The following WIZ variants were observed in gnomAD, a reference collection of about 807,000 sequenced individuals.
WIZ encodes WIZ zinc finger, also known as protein Wiz.
WIZ carries 25 observed loss-of-function variants against 140.2 expected under a neutral mutation model. The ratio of observed to expected loss-of-function variants is 0.18; its 90% confidence interval spans 0.13 to 0.25. The LOEUF is 0.25. Ranked by LOEUF, WIZ falls within the 10% of genes least tolerant of loss-of-function variation. The pLI, the probability that WIZ is intolerant of heterozygous loss-of-function variation, is 1.00. For missense variants in WIZ, 2,231 were observed against 2,632.6 expected, an observed-to-expected ratio of 0.85 and a Z score of 3.34; for synonymous variants, 1,125 against 1,154.3, an observed-to-expected ratio of 0.97 and a Z score of 0.51.
chr19:15,423,450 C>T (rs564481939), intron 12 of WIZ, among the ~76,000 whole-genome samples: 84 of 152,302 alleles, frequency 5.5e-4, no homozygotes, highest in African/African-American at 1.9e-3. Context: ...AGACCCCTGC[C>T]TCTGTGCTCA....
chr19:15,432,133 C>T (rs942518773), intron 5 of WIZ, among the ~76,000 whole-genome samples: 1 of 152,014 alleles, frequency 6.6e-6, no homozygotes, highest in Non-Finnish European at 1.5e-5. Context: ...TCAGATGGGG[C>T]AGGGCTGAAG....
rs947266101 is a variant in WIZ, at chr19:15,429,017, G to A, written c.3416-509C>T. ...GGGAAAGCCTGATGTTGTAAGGGAC[G>A]TCCTTGTTAAACCTGCTCACTGCAC... On this transcript the variant is annotated intron_variant, in intron 7 of 12. Coordinates refer to ENST00000673675, the MANE Select transcript of WIZ (RefSeq NM_001371589.1). Among the ~76,000 whole-genome samples the A allele has an allele frequency of 5.3e-5, 8 of 152,184 alleles. No individual in the cohort carries two copies. The South Asian group carries it at 1.2e-3, about 24-fold the overall frequency.
At chr19:15,437,182 C>T in intron 4 of WIZ, 53 bp from the exon 5 acceptor site, 5 of 1,463,916 alleles carry the variant, frequency 3.4e-6, no homozygotes, top group Non-Finnish European at 4.6e-6. Context: ...ACTCCCCAGC[C>T]CCAACCCCTC....
rs574936760 is a variant in WIZ, at chr19:15,439,718, C to G, written c.1276G>C (p.Glu426Gln). 179 of 1,478,584 alleles carry G rather than the reference C, an allele frequency of 1.2e-4. 1 individual carries two copies. The highest frequency in any genetic ancestry group is 1.5e-4 in the Non-Finnish European group (170 of 1,120,716). 91.6% of individuals were successfully genotyped at this position (1,478,584 alleles called of 1,614,324 possible). A position where few individuals can be genotyped will look rare whatever the true frequency, so the allele number is the denominator to read the frequency against. Residue 426 changes from glutamate (E) to glutamine (Q), a missense_variant, in exon 4 of 13, where the codon GAG (glutamate) becomes CAG (glutamine). Physicochemically the swap from Glu to Gln is conservative, Grantham distance 29. Transcript: ENST00000673675. This position sits in a 1 kb window ranked among gnomAD's most constrained non-coding sequence, Gnocchi z 7.0. ...TCTTTGGTGGTCTGGCCTGGGGGCT[C>G]ACGCATGTGCAGCTTGGCATGCTGC... ...YVQHAKLHMREPPGQTTKEPF... is the reference protein window; with the variant it reads ...YVQHAKLHMRQPPGQTTKEPF...
Position 15,439,853 on chromosome 19 carries a change from T to A in WIZ, c.1141A>T (p.Ile381Phe). 2 of 1,529,362 alleles carry A rather than the reference T, an allele frequency of 1.3e-6. No individual in the cohort carries two copies. The highest frequency in any genetic ancestry group is 1.2e-5 in the South Asian group (1 of 83,480). 94.7% of individuals were successfully genotyped at this position (1,529,362 alleles called of 1,614,324 possible). The change falls in exon 4 of 13, where the codon ATC (isoleucine) becomes TTC (phenylalanine). Residue 381 changes from isoleucine (I) to phenylalanine (F), a missense_variant. Coordinates refer to ENST00000673675, the MANE Select transcript of WIZ (RefSeq NM_001371589.1). The surrounding 1 kb of genome is among the most constrained non-coding windows in gnomAD (Gnocchi z 7.0). ...TTCAGCTTTTGGATCTCCTCAATGA[T>A]CTTCTCCCGGGAGGCCTGATGCAGC... ...RQLHQASREKIIEEIQKLKQV... is the reference protein window; with the variant it reads ...RQLHQASREKFIEEIQKLKQV...
Position 15,448,355 on chromosome 19 carries a change from G to A in WIZ, c.-48C>T. Reference sequence around the variant, plus strand: ...ACTCAGCTGCTGCACCGGCTCAGCGGGGCATTGTGGGCCTGGGGATAGAGA... The same window carrying A: ...ACTCAGCTGCTGCACCGGCTCAGCGAGGCATTGTGGGCCTGGGGATAGAGA... On this transcript the variant is annotated 5_prime_UTR_variant, in exon 2 of 13. Transcript: ENST00000673675. 3 of 1,600,086 alleles carry A rather than the reference G, an allele frequency of 1.9e-6. No homozygotes were observed. Among genetic ancestry groups the A allele is most frequent in the Non-Finnish European group, 2.5e-6 (3 of 1,176,830 alleles).
chr19:15,430,992 A>T lies in WIZ; in HGVS notation c.2911+20T>A. ...ACCAGCCTGGCCAGCATCCCCTGCC[A>T]TGCCACCTGGGCCACTCACCCTTGA... On this transcript the variant is annotated intron_variant, in intron 6 of 12. Transcript: ENST00000673675. The T allele has an allele frequency of 2.0e-6, 3 of 1,504,514 alleles. No homozygotes were observed. The highest frequency in any genetic ancestry group is 1.8e-6 in the Non-Finnish European group (2 of 1,126,674). 93.2% of individuals were successfully genotyped at this position (1,504,514 alleles called of 1,614,324 possible).
At chr19:15,433,261 G>A (rs1018059705) in intron 5 of WIZ, 8 of 985,270 alleles carry the variant, frequency 8.1e-6, no homozygotes, top group African/African-American at 7.0e-5. Context: ...CCACAAGGCC[G>A]GCAACACATT....
At chr19:15,437,399 C>T (rs1969556894) in intron 4 of WIZ, among the ~76,000 whole-genome samples, 1 of 152,232 alleles carries the variant, frequency 6.6e-6, no homozygotes, top group Admixed American at 6.5e-5. Flanking sequence ...TGTGGTGGCT[C>T]ACGCCTGTAA....
At chr19:15,436,685 T>C in intron 5 of WIZ, 121 bp downstream of exon 5, 5 of 1,060,800 alleles carry the variant, frequency 4.7e-6, no homozygotes, top group Non-Finnish European at 6.4e-6. Flanking sequence ...CAACATACTT[T>C]GTAAAGTGAC....
rs1473065429 is a variant in WIZ at position 15,428,078 on chromosome 19, G to A, written c.3814+32C>T. 4.6e-6 allele frequency: 7 copies of A among 1,531,056 alleles called. No homozygotes were observed. Among genetic ancestry groups the A allele is most frequent in the Non-Finnish European group, 6.1e-6 (7 of 1,145,478 alleles). 94.8% of individuals were successfully genotyped at this position (1,531,056 alleles called of 1,614,324 possible). A position where few individuals can be genotyped will look rare whatever the true frequency, so the allele number is the denominator to read the frequency against. On this transcript the variant is annotated intron_variant, in intron 8 of 12. Coordinates refer to ENST00000673675, the MANE Select transcript of WIZ (RefSeq NM_001371589.1). The surrounding 1 kb of genome is among the most constrained non-coding windows in gnomAD (Gnocchi z 6.4). ...CCCGGGAGGGGCTCCAGGGCCCGCAGTGAGGAGGGGGCAGCTGAAGCGAGA... is the reference window on the plus strand; with the variant it reads ...CCCGGGAGGGGCTCCAGGGCCCGCAATGAGGAGGGGGCAGCTGAAGCGAGA...
Position 15,438,903 on chromosome 19 carries a change from T to C in WIZ, c.2091A>G (p.Ala697=). Residue 697 remains alanine (A), a synonymous_variant, in exon 4 of 13, where the codon GCA becomes GCG. Transcript: ENST00000673675. Reference sequence around the variant, plus strand: ...GCTGCAACCTTGGGGGCACCCTGGCTGCCGCCATGACCTGCGGCCCCAGCT... The same window carrying C: ...GCTGCAACCTTGGGGGCACCCTGGCCGCCGCCATGACCTGCGGCCCCAGCT... ...VAKLGPQVMA[A]ARVPPRLQPE... The C allele has an allele frequency of 6.9e-7, 1 of 1,449,728 alleles. No homozygotes were observed. Among genetic ancestry groups the C allele is most frequent in the Non-Finnish European group, 9.1e-7 (1 of 1,102,060 alleles). The allele number at this position is 1,449,728 out of a possible 1,614,324, so 89.8% of individuals were successfully genotyped here. A position where few individuals can be genotyped will look rare whatever the true frequency, so the allele number is the denominator to read the frequency against.
At position 15,424,854 on chromosome 19, in the gene WIZ, G is replaced by T. The variant is rs568563474; in HGVS notation, c.5073C>A (p.Arg1691=). The part of the protein sequence containing the change: ...KHRPQKVGAY[R]SYIQGGRPFT... ...AGGGGCGGCCGCCCTGGATGTAGCT[G>T]CGGTAGGCGCCCACCTTCTGGGGCC... Residue 1691 remains arginine (R), a synonymous_variant, in exon 11 of 13, where the codon CGC becomes CGA. Coordinates refer to ENST00000673675, the MANE Select transcript of WIZ (RefSeq NM_001371589.1). The surrounding 1 kb of genome is among the most constrained non-coding windows in gnomAD (Gnocchi z 9.7). 1 of 1,611,054 alleles carries T rather than the reference G, an allele frequency of 6.2e-7. No homozygotes were observed. Among genetic ancestry groups the T allele is most frequent in the Non-Finnish European group, 8.5e-7 (1 of 1,179,420 alleles).
At chr19:15,432,103 G>C (rs901892995) in intron 5 of WIZ, among the ~76,000 whole-genome samples, 2 of 152,150 alleles carry the variant, frequency 1.3e-5, no homozygotes. Flanking sequence ...CAAAGTCTCC[G>C]GGTCGGGTGG....
In WIZ at chr19:15,442,441, C is replaced by A. The variant is rs1372935636; in HGVS notation, c.278+235G>T. Among the ~76,000 whole-genome samples, 4 of 152,200 alleles carry A rather than the reference C, an allele frequency of 2.6e-5. No individual in the cohort carries two copies. Among genetic ancestry groups the A allele is most frequent in the Non-Finnish European group, 5.9e-5 (4 of 68,024 alleles). On this transcript the variant is annotated intron_variant, in intron 3 of 12. Transcript: ENST00000673675. The surrounding 1 kb of genome is among the most constrained non-coding windows in gnomAD (Gnocchi z 5.5). ...GGGTCCAACATCCAGGCTCCTGCCCCTCTGGCCCTGCTCCTGGCAGGGATA... is the reference window on the plus strand; with the variant it reads ...GGGTCCAACATCCAGGCTCCTGCCCATCTGGCCCTGCTCCTGGCAGGGATA...
At position 15,428,040 on chromosome 19, in the gene WIZ, C is replaced by CTG; in HGVS notation, c.3814+68_3814+69dup. The stretch of plus-strand genomic sequence containing the variant: ...ACTCCCTGCCCCAGCAGGGAGGGGG[C>CTG]TGTGACCCCCCCCCCGGGAGGGGCT... On this transcript the variant is annotated intron_variant, in intron 8 of 12. Transcript: ENST00000673675. This position sits in a 1 kb window ranked among gnomAD's most constrained non-coding sequence, Gnocchi z 6.4. 6.6e-7 allele frequency: 1 copy of CTG among 1,511,496 alleles called. No individual in the cohort carries two copies. Among genetic ancestry groups the CTG allele is most frequent in the Non-Finnish European group, 8.8e-7 (1 of 1,135,424 alleles). The allele number at this position is 1,511,496 out of a possible 1,614,324, so 93.6% of individuals were successfully genotyped here.
Position 15,428,572 on chromosome 19 carries a change from G to C in WIZ, c.3416-64C>G. 1 of 1,532,550 alleles carries C rather than the reference G, an allele frequency of 6.5e-7. No homozygotes were observed. The highest frequency in any genetic ancestry group is 1.2e-5 in the South Asian group (1 of 83,760). The allele number at this position is 1,532,550 out of a possible 1,614,324, so 94.9% of individuals were successfully genotyped here. A position where few individuals can be genotyped will look rare whatever the true frequency, so the allele number is the denominator to read the frequency against. On this transcript the variant is annotated intron_variant, in intron 7 of 12. Coordinates refer to ENST00000673675, the MANE Select transcript of WIZ (RefSeq NM_001371589.1). The surrounding 1 kb of genome is among the most constrained non-coding windows in gnomAD (Gnocchi z 6.4). ...CCTTGGCCGGCCTTGGGGGCCTGAG[G>C]TAGGAGGGTCTGGTGTGATTTTTGG... is the stretch of plus-strand genomic sequence containing the variant.
rs192487155 is a variant in WIZ at position 15,433,293 on chromosome 19, C to T, written c.2741-2111G>A. ...CATTTCAATCACCGCCTGCTTCTCT[C>T]TCCGATTGTCCCCAGCTGTTCCTTG... On this transcript the variant is annotated intron_variant, in intron 5 of 12. Transcript: ENST00000673675. 2.2e-5 allele frequency: 22 copies of T among 985,448 alleles called. No homozygotes were observed. The African/African-American group carries it at 3.7e-4, about 16-fold the overall frequency. 61.0% of individuals were successfully genotyped at this position (985,448 alleles called of 1,614,324 possible).
chr19:15,448,064 C>T, intron 2 of WIZ, 39 bp downstream of exon 2: 1 of 1,608,464 alleles, frequency 6.2e-7, no homozygotes, highest in East Asian at 2.2e-5. Context: ...GGGGAATGGG[C>T]TGGATGCTCC....
Sources: gnomAD v4.1 joint callset for allele counts (sites outside exome capture counted in the v4.1 genomes callset) on GRCh38, gnomAD v4.1.1 for gene constraint, Gnocchi (gnomAD v3.1) non-coding constraint, MANE v1.5 for transcripts, NCBI Gene and HGNC (gene_info 2026-07-23, HGNC 2026-07-21) for gene names.